The following DST variants were observed in gnomAD, a reference collection of about 807,000 sequenced individuals.
The protein encoded by DST is bullous pemphigoid antigen.
In DST, 253 loss-of-function variants were observed where a neutral mutation model predicts 875.2. The observed-to-expected ratio is 0.29, with a 90% CI of 0.26 to 0.32. The LOEUF is 0.32. Ranked by LOEUF, DST falls within the 10% of genes least tolerant of loss-of-function variation. The pLI, the probability that DST is intolerant of heterozygous loss-of-function variation, is 1.00. For missense variants in DST, 8,287 were observed against 9,111.6 expected (o/e 0.91, Z 3.68); for synonymous variants, 3,124 against 3,197.1 (o/e 0.98, Z 0.77).
intron 4 of DST, among the ~76,000 whole-genome samples, chr6:56,834,939 G>C (rs1451672180): frequency 6.6e-6 from 1 of 152,188 alleles, no homozygotes; most frequent in Non-Finnish European, 1.5e-5. Flanking sequence ...ACCCTTAGGA[G>C]CAACCAAGAT....
At chr6:56,764,685 C>A (rs1251338370) in intron 4 of DST, among the ~76,000 whole-genome samples, 1 of 151,986 alleles carries the variant, frequency 6.6e-6, no homozygotes, top group Non-Finnish European at 1.5e-5. Context: ...AGGCTGGGCA[C>A]GGTGGCTCAT....
In DST at chr6:56,474,900, A is replaced by T. The variant is rs565791119; in HGVS notation, c.21865-898T>A. On this transcript the variant is annotated intron_variant, in intron 92 of 103. Transcript: ENST00000680361. ...CTTGAGCCTAGGAGCTTGAGGCTGCAGTGAGCCACGACTGTGCCATTGCAT... is the reference window on the plus strand; with the variant it reads ...CTTGAGCCTAGGAGCTTGAGGCTGCTGTGAGCCACGACTGTGCCATTGCAT... Among the ~76,000 whole-genome samples the T allele has an allele frequency of 1.8e-4, 26 of 140,604 alleles. No individual in the cohort carries two copies. The East Asian group carries it at 5.9e-3, about 32-fold the overall frequency. The allele number at this position is 140,604 out of a possible 152,430, so 92.2% of individuals were successfully genotyped here. A position where few individuals can be genotyped will look rare whatever the true frequency, so the allele number is the denominator to read the frequency against.
intron 3 of DST, among the ~76,000 whole-genome samples, chr6:56,867,641 G>A (rs748106867): frequency 2.0e-5 from 3 of 152,150 alleles, no homozygotes; most frequent in African/African-American, 4.8e-5. Flanking sequence ...CCAACATGGT[G>A]AAACCCCGTC....
At position 56,726,104 on chromosome 6, in the gene DST, T is replaced by G. The variant is rs75693883; in HGVS notation, c.687+9124A>C. 9.6e-3 allele frequency among the ~76,000 whole-genome samples: 1,460 copies of G among 152,306 alleles called. 31 individuals carry two copies. Among genetic ancestry groups the G allele is most frequent in the African/African-American group, 0.034 (1,410 of 41,568 alleles). On this transcript the variant is annotated intron_variant, in intron 5 of 103. Coordinates refer to ENST00000680361, the MANE Select transcript of DST (RefSeq NM_001374736.1). ...CTTCCCAGCTTCAACAGCTTCCCTTTGAAGTCAGCCCTCTTTTAAATGTTC... is the reference window on the plus strand; with the variant it reads ...CTTCCCAGCTTCAACAGCTTCCCTTGGAAGTCAGCCCTCTTTTAAATGTTC...
rs1404306070 is a variant in DST at position 56,555,399 on chromosome 6, T to A, written c.15082A>T (p.Ser5028Cys). ...TTTAAGATGCCTTCTAGTTGCCTAC[T>A]AAGTTCTGCTTTCAAGTACTCTTCT... The part of the protein sequence containing the change: ...VKEEYLKAEL[S>C]RQLEGILKSF... The change falls in exon 60 of 104, where the codon AGT becomes TGT. Residue 5028 changes from serine to cysteine, a missense_variant. This residue lies in a region of DST where 1,513 missense variants were observed against 1,677.8 expected (regional missense o/e 0.90). Coordinates refer to ENST00000680361, the MANE Select transcript of DST (RefSeq NM_001374736.1). 6.2e-7 allele frequency: 1 copy of A among 1,611,532 alleles called. No individual in the cohort carries two copies.
intron 36 of DST, chr6:56,618,234 G>C: frequency 6.2e-7 from 1 of 1,614,138 alleles, no homozygotes; most frequent in Non-Finnish European, 8.5e-7. Flanking sequence ...ACTTCTTTGG[G>C]TATCTGTTCA....
At chr6:56,492,162 A>G in intron 85 of DST, 65 bp downstream of exon 85, 1 of 1,353,054 alleles carries the variant, frequency 7.4e-7, no homozygotes, top group African/African-American at 1.4e-5. Context: ...CATCCATAAC[A>G]TATATTTCAA....
chr6:56,560,673 G>C (rs1306935349), intron 57 of DST, among the ~76,000 whole-genome samples: 2 of 152,066 alleles, frequency 1.3e-5, no homozygotes, highest in Non-Finnish European at 2.9e-5. Context: ...GTCCCCATTA[G>C]TGAGAAAGAA....
At chr6:56,503,047 G>T (rs2096187929) in intron 78 of DST, among the ~76,000 whole-genome samples, 1 of 151,990 alleles carries the variant, frequency 6.6e-6, no homozygotes, top group East Asian at 1.9e-4. Context: ...GAACAGCAAT[G>T]GAAAACAACA....
chr6:56,615,160 A>G, intron 36 of DST: 1 of 1,086,816 alleles, frequency 9.2e-7, no homozygotes, highest in Non-Finnish European at 1.1e-6. Flanking sequence ...AGTGCAATTT[A>G]TCATTTAATA....
Position 56,851,612 on chromosome 6 carries a change from G to A in DST, c.418-8C>T. The A allele has an allele frequency of 6.2e-7, 1 of 1,612,656 alleles. No individual in the cohort carries two copies. The highest frequency in any genetic ancestry group is 2.2e-5 in the East Asian group (1 of 44,862). On this transcript the variant is annotated splice_polypyrimidine_tract_variant and splice_region_variant and intron_variant, in intron 3 of 103. Transcript: ENST00000680361. ...GGACGCGTTCCCGGAACTCTACAGA[G>A]AATGACACAGAAAAAGCATTAACAG...
chr6:56,692,711 T>C (rs2099239209), intron 9 of DST: 15 of 1,289,680 alleles, frequency 1.2e-5, no homozygotes, highest in Non-Finnish European at 1.4e-5. Flanking sequence ...GTGCTGTCTT[T>C]TTCTGAAATC....
At chr6:56,509,938 A>G (rs1234348263) in intron 73 of DST, 65 bp from the exon 74 acceptor site, 17 of 1,245,484 alleles carry the variant, frequency 1.4e-5, no homozygotes, top group Non-Finnish European at 1.9e-5. Flanking sequence ...TGAAATTTAA[A>G]TGAAAAAACA....
chr6:56,830,065 T>C (rs2099785251), intron 4 of DST, among the ~76,000 whole-genome samples: 1 of 152,174 alleles, frequency 6.6e-6, no homozygotes, highest in African/African-American at 2.4e-5. Flanking sequence ...TAATTGCTAA[T>C]TGGTTTATGT....
At chr6:56,641,878 T>C in intron 17 of DST, 69 bp downstream of exon 17, 1 of 1,248,340 alleles carries the variant, frequency 8.0e-7, no homozygotes, top group Non-Finnish European at 1.1e-6. Context: ...TACTCTACAT[T>C]CCTATTTCAA....
rs367551812 is a variant in DST at position 56,594,227 on chromosome 6, C to T, written c.12196-34G>A. ...AAACAAATTGATCATAATCTTCAAG[C>T]AGTAACGGGGTAACACCTGCAGGGA... is the stretch of plus-strand genomic sequence containing the variant. On this transcript the variant is annotated intron_variant, in intron 47 of 103. Coordinates refer to ENST00000680361, the MANE Select transcript of DST (RefSeq NM_001374736.1). 7.4e-6 allele frequency: 11 copies of T among 1,495,814 alleles called. No homozygotes were observed. In the South Asian group the frequency reaches 1.1e-4, roughly 15 times the overall value. The allele number at this position is 1,495,814 out of a possible 1,614,324, so 92.7% of individuals were successfully genotyped here. A position where few individuals can be genotyped will look rare whatever the true frequency, so the allele number is the denominator to read the frequency against.
chr6:56,942,706 CTTTT>C (rs67354752), intron 2 of DST, among the ~76,000 whole-genome samples: 15 of 65,994 alleles, frequency 2.3e-4, no homozygotes, highest in East Asian at 7.8e-4. Flanking sequence ...TGCCATTTCT[CTTTT>C]TTTTTTTTTT....
chr6:56,779,346 T>G (rs1056639279), intron 4 of DST, among the ~76,000 whole-genome samples: 2 of 151,982 alleles, frequency 1.3e-5, no homozygotes, highest in Non-Finnish European at 2.9e-5. Context: ...CCTGTTCACT[T>G]TGATGGTAGT....
intron 47 of DST, among the ~76,000 whole-genome samples, chr6:56,596,513 C>T (rs2098389278): frequency 6.6e-6 from 1 of 152,188 alleles, no homozygotes; most frequent in African/African-American, 2.4e-5. Context: ...TTGTAACTGA[C>T]TCACAATGTT....
Sources: gnomAD v4.1 joint callset for allele counts (sites outside exome capture counted in the v4.1 genomes callset) on GRCh38, gnomAD v4.1.1 for gene constraint, gnomAD v4.1.1 regional missense constraint, MANE v1.5 for transcripts, NCBI Gene and HGNC (gene_info 2026-07-23, HGNC 2026-07-21) for gene names.